The following SH3BGRL2 variants were observed in gnomAD, a reference collection of about 807,000 sequenced individuals.
SH3BGRL2 encodes SH3 domain binding glutamate rich protein like 2.
In SH3BGRL2, 21 loss-of-function variants were observed where a neutral mutation model predicts 14.8. That is an observed-to-expected ratio of 1.42 (90% CI 1.01 to 2.05). The LOEUF (loss-of-function observed/expected upper bound fraction) is 2.05. Ranked by LOEUF, SH3BGRL2 falls within the 30% of genes most tolerant of loss-of-function variation. The pLI, the probability that SH3BGRL2 is intolerant of heterozygous loss-of-function variation, is 0.00. For synonymous variants in SH3BGRL2, 50 were observed against 47.8 expected (o/e 1.05, Z -0.19); for missense variants, 147 against 130.8 (o/e 1.12, Z -0.61).
chr6:79,675,428 A>AT (rs1769861241), intron 2 of SH3BGRL2, among the ~76,000 whole-genome samples: 1 of 152,144 alleles, frequency 6.6e-6, no homozygotes, highest in South Asian at 2.1e-4. Context: ...CTTTTGGTGA[A>AT]TTACTATGGT....
At chr6:79,541,285 TTAAAATATA>T in the SH3BGRL2 span, among the ~76,000 whole-genome samples, 1 of 152,058 alleles carries the variant, frequency 6.6e-6, no homozygotes, top group African/African-American at 2.4e-5. Flanking sequence ...TCAAAATTCA[TTAAAATATA>T]TAAAATATGT....
the SH3BGRL2 span, among the ~76,000 whole-genome samples, chr6:79,600,998 C>T: frequency 1.3e-5 from 2 of 152,042 alleles, no homozygotes; most frequent in Non-Finnish European, 2.9e-5. Flanking sequence ...CAAGCTCTCT[C>T]TCTTCTCCCA....
chr6:79,552,400 C>T, the SH3BGRL2 span, among the ~76,000 whole-genome samples: 1 of 152,178 alleles, frequency 6.6e-6, no homozygotes, highest in East Asian at 1.9e-4. Flanking sequence ...TGTGACTTAA[C>T]CCTTGACTGG....
At chr6:79,607,405 C>T in the SH3BGRL2 span, among the ~76,000 whole-genome samples, 1 of 152,154 alleles carries the variant, frequency 6.6e-6, no homozygotes, top group Non-Finnish European at 1.5e-5. Flanking sequence ...GAATTCTGGG[C>T]TCTTATTGCT....
At chr6:79,568,305 A>T in the SH3BGRL2 span, among the ~76,000 whole-genome samples, 1 of 152,180 alleles carries the variant, frequency 6.6e-6, no homozygotes, top group South Asian at 2.1e-4. Context: ...TAACAGTAAA[A>T]AATTGGAACC....
intron 2 of SH3BGRL2, among the ~76,000 whole-genome samples, chr6:79,685,322 T>C (rs951208481): frequency 6.6e-6 from 1 of 152,220 alleles, no homozygotes; most frequent in African/African-American, 2.4e-5. Context: ...CTTATGCAAT[T>C]AATGAAGAGA....
chr6:79,589,192 A>C, the SH3BGRL2 span, among the ~76,000 whole-genome samples: 1 of 89,378 alleles, frequency 1.1e-5, no homozygotes, highest in African/African-American at 3.3e-5. Flanking sequence ...AAATTATCCT[A>C]TATATATATA....
intron 2 of SH3BGRL2, among the ~76,000 whole-genome samples, chr6:79,681,947 G>A (rs148661593): frequency 0.029 from 4,197 of 145,878 alleles, 84 homozygotes; most frequent in Non-Finnish European, 0.039. Flanking sequence ...GTGAGACTCC[G>A]TCTCAAAAAA....
At chr6:79,596,335 T>C in the SH3BGRL2 span, among the ~76,000 whole-genome samples, 6 of 151,720 alleles carry the variant, frequency 4.0e-5, no homozygotes, top group East Asian at 1.2e-3. Flanking sequence ...GTTAAAAAAT[T>C]TTTTTGTAGA....
In SH3BGRL2 at chr6:79,673,642, G is replaced by C. The variant is rs375967390; in HGVS notation, c.74G>C (p.Arg25Thr). Residue 25 changes from arginine to threonine, a missense_variant, in exon 2 of 4, where the codon AGA (arginine) becomes ACA (threonine). Arg to Thr is a moderately conservative substitution (Grantham distance 71). Coordinates refer to ENST00000369838, the MANE Select transcript of SH3BGRL2 (RefSeq NM_031469.4). ...AAGAAGAAGCAGCAAGATGTGGTTA[G>C]ATTTCTGGAAGCCAACAAGATAGAG... is the stretch of plus-strand genomic sequence containing the variant. The part of the protein sequence containing the change: ...AIKKKQQDVV[R>T]FLEANKIEFE... The C allele has an allele frequency of 1.0e-4, 164 of 1,613,948 alleles. No individual in the cohort carries two copies. The highest frequency in any genetic ancestry group is 1.3e-4 in the Non-Finnish European group (152 of 1,179,996).
intron 2 of SH3BGRL2, among the ~76,000 whole-genome samples, chr6:79,691,506 T>G (rs1437791141): frequency 1.2e-5 from 1 of 80,744 alleles, no homozygotes; most frequent in Non-Finnish European, 2.2e-5. Context: ...CCCTCCCCCC[T>G]CCCCACACCC....
At chr6:79,645,779 G>T (rs1215112186) in intron 1 of SH3BGRL2, among the ~76,000 whole-genome samples, 1 of 152,168 alleles carries the variant, frequency 6.6e-6, no homozygotes, top group Non-Finnish European at 1.5e-5. Flanking sequence ...ATTATTAACT[G>T]TCTGACTTCT....
At chr6:79,647,753 A>T (rs1435098641) in intron 1 of SH3BGRL2, among the ~76,000 whole-genome samples, 2 of 152,160 alleles carry the variant, frequency 1.3e-5, no homozygotes, top group Non-Finnish European at 2.9e-5. Flanking sequence ...GATTCTAAAA[A>T]ATTTTACTTA....
the SH3BGRL2 span, among the ~76,000 whole-genome samples, chr6:79,590,332 C>A: frequency 6.7e-6 from 1 of 149,730 alleles, no homozygotes; most frequent in Admixed American, 6.7e-5. Flanking sequence ...AAGACATATG[C>A]ACTTATATGT....
the SH3BGRL2 span, among the ~76,000 whole-genome samples, chr6:79,588,264 C>G: frequency 7.4e-6 from 1 of 135,932 alleles, no homozygotes; most frequent in Non-Finnish European, 1.5e-5. Context: ...GCACTCCAGC[C>G]TGGGTGACAG....
the SH3BGRL2 span, among the ~76,000 whole-genome samples, chr6:79,563,761 T>C: frequency 6.6e-6 from 1 of 152,166 alleles, no homozygotes; most frequent in Non-Finnish European, 1.5e-5. Flanking sequence ...AATATCCACA[T>C]GTTCAACCAA....
At chr6:79,599,929 G>A in the SH3BGRL2 span, among the ~76,000 whole-genome samples, 7 of 152,142 alleles carry the variant, frequency 4.6e-5, no homozygotes, top group African/African-American at 7.2e-5. Flanking sequence ...CCTAATTAGC[G>A]AAAATGAGTT....
At chr6:79,580,427 A>G in the SH3BGRL2 span, among the ~76,000 whole-genome samples, 1 of 152,220 alleles carries the variant, frequency 6.6e-6, no homozygotes, top group Non-Finnish European at 1.5e-5. Flanking sequence ...AAGAACAGAA[A>G]TCACAACAAA....
chr6:79,586,089 G>T, the SH3BGRL2 span, among the ~76,000 whole-genome samples: 1 of 151,600 alleles, frequency 6.6e-6, no homozygotes, highest in African/African-American at 2.4e-5. Context: ...CCAGCTACTC[G>T]GGAGGCTGAG....
Sources: gnomAD v4.1 joint callset for allele counts (sites outside exome capture counted in the v4.1 genomes callset) on GRCh38, gnomAD v4.1.1 for gene constraint, MANE v1.5 for transcripts, NCBI Gene and HGNC (gene_info 2026-07-23, HGNC 2026-07-21) for gene names.